The following ORC2 variants were observed in gnomAD, a reference collection of about 807,000 sequenced individuals.
The protein encoded by ORC2 is origin recognition complex subunit 2, also known as origin recognition complex protein 2 homolog.
ORC2 carries 37 observed loss-of-function variants against 77.7 expected under a neutral mutation model. The observed-to-expected ratio is 0.48, with a 90% CI of 0.37 to 0.63. The LOEUF is 0.63. Ranked by LOEUF, ORC2 falls within the 20% of genes least tolerant of loss-of-function variation. The pLI is 0.00. For synonymous variants in ORC2, 201 were observed against 229.5 expected (o/e 0.88, Z 1.12); for missense variants, 557 against 661.9 (o/e 0.84, Z 1.74).
intron 11 of ORC2, among the ~76,000 whole-genome samples, chr2:200,930,190 A>C (rs1364322103): frequency 6.6e-6 from 1 of 152,188 alleles, no homozygotes; most frequent in Non-Finnish European, 1.5e-5. Flanking sequence ...CTGGCAATGC[A>C]GGATAACCTA....
chr2:200,949,360 G>GA (rs1024218040), intron 5 of ORC2, among the ~76,000 whole-genome samples, 194 bp downstream of exon 5: 1 of 151,894 alleles, frequency 6.6e-6, no homozygotes, highest in Non-Finnish European at 1.5e-5. Flanking sequence ...ATCTGAGCAT[G>GA]AAAAAAACAA....
Position 200,963,479 on chromosome 2 carries a change from C to A in ORC2, c.-60+11G>T. On this transcript the variant is annotated intron_variant, in intron 1 of 17. Coordinates refer to ENST00000234296, the MANE Select transcript of ORC2 (RefSeq NM_006190.5). ...AAGGGAGGCAGGCTGCCCCGACACCCCACTACTCACCGCTAGGTTTCCGTC... is the reference window on the plus strand; with the variant it reads ...AAGGGAGGCAGGCTGCCCCGACACCACACTACTCACCGCTAGGTTTCCGTC... 2.5e-6 allele frequency: 1 copy of A among 398,702 alleles called. No individual in the cohort carries two copies. Among genetic ancestry groups the A allele is most frequent in the Non-Finnish European group, 4.4e-6 (1 of 226,104 alleles). The allele number at this position is 398,702 out of a possible 1,614,324, so 24.7% of individuals were successfully genotyped here.
intron 4 of ORC2, among the ~76,000 whole-genome samples, chr2:200,953,166 A>C (rs1432586601): frequency 6.6e-6 from 1 of 151,898 alleles, no homozygotes; most frequent in Non-Finnish European, 1.5e-5. Flanking sequence ...ATCTCCAACA[A>C]ACTTACATTC....
chr2:200,933,933 T>C lies in ORC2; in HGVS notation c.750A>G (p.Ser250=). ...GTGTTCTATCAGAGGTTAAAACTTT[T>C]GAACTGCTGTGAGCTTCAAAATATT... The part of the protein sequence containing the change: ...VEEYFEAHSS[S]KVLTSDRTLQ... Residue 250 remains serine, a synonymous_variant, in exon 10 of 18, where the codon TCA becomes TCG. Coordinates refer to ENST00000234296, the MANE Select transcript of ORC2 (RefSeq NM_006190.5). 6.2e-7 allele frequency: 1 copy of C among 1,611,174 alleles called. No individual in the cohort carries two copies. The highest frequency in any genetic ancestry group is 8.5e-7 in the Non-Finnish European group (1 of 1,178,186).
chr2:200,916,778 C>T (rs756565034), intron 15 of ORC2, among the ~76,000 whole-genome samples: 7 of 149,496 alleles, frequency 4.7e-5, no homozygotes, highest in Non-Finnish European at 1.0e-4. Flanking sequence ...TCTCGGCTCA[C>T]TGCAAGCTCC....
chr2:200,958,072 C>A lies in ORC2; in HGVS notation c.52G>T (p.Gly18Ter). The A allele has an allele frequency of 1.2e-6, 2 of 1,612,192 alleles. No homozygotes were observed. The highest frequency in any genetic ancestry group is 1.7e-6 in the Non-Finnish European group (2 of 1,178,754). The change falls in exon 3 of 18, where the codon GGA (glycine) becomes TGA (stop). Residue 18 changes from glycine (G) to a stop codon, truncating the protein, a stop_gained. Transcript: ENST00000234296. LOFTEE classifies it high-confidence loss of function. The part of the protein sequence containing the change: ...EDKMLEVHFV[G>*]DDDVLNHILD... ...ATGTGATTAAGAACATCATCATCTC[C>A]CACAAAGTGAACCTCCAGCATCTTG...
At chr2:200,924,294 C>G (rs552553768) in intron 13 of ORC2, among the ~76,000 whole-genome samples, 26 of 151,914 alleles carry the variant, frequency 1.7e-4, no homozygotes, top group Admixed American at 5.2e-4. Context: ...ATGTAGTGAG[C>G]TGTGTTTGTG....
chr2:200,912,971 T>C (rs942061461), intron 17 of ORC2, among the ~76,000 whole-genome samples: 2 of 152,230 alleles, frequency 1.3e-5, no homozygotes, highest in African/African-American at 4.8e-5. Flanking sequence ...GCAATATCTA[T>C]GTAGTTAGTA....
intron 1 of ORC2, among the ~76,000 whole-genome samples, 186 bp from the exon 2 acceptor site, chr2:200,959,626 T>C (rs1270291642): frequency 6.6e-6 from 1 of 152,230 alleles, no homozygotes; most frequent in African/African-American, 2.4e-5. Context: ...TAGGAAGCCC[T>C]AGATACTGAG....
intron 15 of ORC2, among the ~76,000 whole-genome samples, chr2:200,918,775 T>C (rs2040704177): frequency 6.6e-6 from 1 of 152,122 alleles, no homozygotes; most frequent in Non-Finnish European, 1.5e-5. Context: ...AGGTGTGAGC[T>C]ACCACACCCA....
rs750532123 is a variant in ORC2 at position 200,911,319 on chromosome 2, C to G, written c.1716G>C (p.Lys572Asn). Residue 572 changes from lysine to asparagine, a missense_variant, in exon 18 of 18, where the codon AAG becomes AAC. By Grantham distance (94) the Lys-to-Asn change is moderately conservative. Coordinates refer to ENST00000234296, the MANE Select transcript of ORC2 (RefSeq NM_006190.5). ...GAAAGCTTCAAGCCTCCTCTTCTTCCTTTTCCAAGAAATCAGTCAATGTTC... is the reference window on the plus strand; with the variant it reads ...GAAAGCTTCAAGCCTCCTCTTCTTCGTTTTCCAAGAAATCAGTCAATGTTC... ...DNGTLTDFLE[K>N]EEEEA 5 of 1,607,298 alleles carry G rather than the reference C, an allele frequency of 3.1e-6. No homozygotes were observed. In the South Asian group the frequency reaches 4.4e-5, roughly 14 times the overall value.
rs1370220215 is a variant in ORC2 at position 200,937,722 on chromosome 2, AC to A, written c.514+183del. On this transcript the variant is annotated intron_variant, in intron 8 of 17. Coordinates refer to ENST00000234296, the MANE Select transcript of ORC2 (RefSeq NM_006190.5). ...AAAGGCATGTTATTTCATTGGAAAG[AC>A]CTTTTAGCTGACTTCAATATACACT... Among the ~76,000 whole-genome samples, 67 of 152,346 alleles carry A rather than the reference AC, an allele frequency of 4.4e-4. 2 individuals are homozygous for A. Among genetic ancestry groups the A allele is most frequent in the South Asian group, 4.1e-4 (2 of 4,828 alleles).
Position 200,958,106 on chromosome 2 carries a change from T to G in ORC2, c.18A>C (p.Leu6Phe). MSKPELKEDKMLEVHF... is the reference protein window; with the variant it reads MSKPEFKEDKMLEVHF... ...GAACCTCCAGCATCTTGTCTTCCTT[T>G]AATTCTGGTTTACTCATTGTTGCCA... Residue 6 changes from leucine (L) to phenylalanine (F), a missense_variant, in exon 3 of 18, where the codon TTA becomes TTC. Transcript: ENST00000234296. 6.2e-7 allele frequency: 1 copy of G among 1,611,786 alleles called. No homozygotes were observed. The highest frequency in any genetic ancestry group is 8.5e-7 in the Non-Finnish European group (1 of 1,178,334).
intron 8 of ORC2, among the ~76,000 whole-genome samples, chr2:200,936,987 A>G (rs1668273678): frequency 2.0e-5 from 3 of 151,936 alleles, no homozygotes; most frequent in Admixed American, 1.3e-4. Flanking sequence ...AAATGTAGAT[A>G]TTAAAAAAAA....
At chr2:200,963,314 G>T in intron 1 of ORC2, 176 bp downstream of exon 1, 1 of 397,074 alleles carries the variant, frequency 2.5e-6, no homozygotes, top group South Asian at 1.4e-4. Context: ...GCAGCCTGCG[G>T]GGGGCAGCGA....
chr2:200,934,499 T>G, intron 9 of ORC2, among the ~76,000 whole-genome samples: 1 of 151,466 alleles, frequency 6.6e-6, no homozygotes, highest in East Asian at 1.9e-4. Context: ...AATTGTTTTT[T>G]TTTTTTTTTT....
At chr2:200,962,043 C>T (rs879286233) in intron 1 of ORC2, among the ~76,000 whole-genome samples, 10 of 152,182 alleles carry the variant, frequency 6.6e-5, no homozygotes, top group African/African-American at 2.4e-4. Flanking sequence ...TTGTTTGTAG[C>T]CAAGTGCATT....
At position 200,914,007 on chromosome 2, in the gene ORC2, A is replaced by C. The variant is rs557160832; in HGVS notation, c.1467-15T>G. ...TGAAAATTCCCCTAAAAAAAAAAAA[A>C]AACAGGAATTTAAATCCAAAAATGT... On this transcript the variant is annotated splice_polypyrimidine_tract_variant and intron_variant, in intron 15 of 17. Coordinates refer to ENST00000234296, the MANE Select transcript of ORC2 (RefSeq NM_006190.5). 29 of 1,522,428 alleles carry C rather than the reference A, an allele frequency of 1.9e-5. No homozygotes were observed. Among genetic ancestry groups the C allele is most frequent in the Admixed American group, 3.9e-5 (2 of 50,914 alleles). 94.3% of individuals were successfully genotyped at this position (1,522,428 alleles called of 1,614,324 possible).
At chr2:200,952,342 C>T (rs2041373508) in intron 4 of ORC2, among the ~76,000 whole-genome samples, 1 of 152,116 alleles carries the variant, frequency 6.6e-6, no homozygotes, top group Non-Finnish European at 1.5e-5. Flanking sequence ...TCACTGCAAG[C>T]TCTGCCTCCT....
Sources: gnomAD v4.1 joint callset for allele counts (sites outside exome capture counted in the v4.1 genomes callset) on GRCh38, gnomAD v4.1.1 for gene constraint, MANE v1.5 for transcripts, NCBI Gene and HGNC (gene_info 2026-07-23, HGNC 2026-07-21) for gene names.